PRR14L: variants seen among roughly 807,000 people sequenced by gnomAD.
The protein encoded by PRR14L is proline rich 14 like.
A neutral mutation model predicts 155.0 loss-of-function variants in PRR14L; 80 were observed. That is an observed-to-expected ratio of 0.52 (90% CI 0.43 to 0.62). The LOEUF is 0.62. Among genes scored for constraint, PRR14L ranks in the 20% least tolerant of loss-of-function variants. PRR14L has a pLI of 0.00. For missense variants in PRR14L, 2,469 were observed against 2,548.0 expected (o/e 0.97, Z 0.67); for synonymous variants, 883 against 916.0 (o/e 0.96, Z 0.65).
At chr22:31,730,158 C>A (rs1234516966) in intron 2 of PRR14L, among the ~76,000 whole-genome samples, 1 of 146,236 alleles carries the variant, frequency 6.8e-6, no homozygotes, top group Non-Finnish European at 1.5e-5. Flanking sequence ...AAAAAAAAAT[C>A]GCCGGGCGCT....
In PRR14L at chr22:31,713,487, T is replaced by A; in HGVS notation, c.4352A>T (p.Lys1451Met). The A allele has an allele frequency of 6.4e-7, 1 of 1,552,104 alleles. No homozygotes were observed. Among genetic ancestry groups the A allele is most frequent in the South Asian group, 1.2e-5 (1 of 84,062 alleles). The part of the protein sequence containing the change: ...STMINEITLA[K>M]LAKDSIVAQT... Reference sequence around the variant, plus strand: ...TGCCACAATGCTGTCCTTGGCCAGCTTTGCTAGGGTGATTTCATTGATCAT... The same window carrying A: ...TGCCACAATGCTGTCCTTGGCCAGCATTGCTAGGGTGATTTCATTGATCAT... The change falls in exon 4 of 9, where the codon AAG (lysine) becomes ATG (methionine). Residue 1451 changes from lysine to methionine, a missense_variant. Lys to Met is a moderately conservative substitution (Grantham distance 95, BLOSUM62 -1). Coordinates refer to ENST00000327423, the MANE Select transcript of PRR14L (RefSeq NM_173566.3).
intron 2 of PRR14L, among the ~76,000 whole-genome samples, chr22:31,729,202 T>C (rs1425166767): frequency 6.6e-6 from 1 of 152,128 alleles, no homozygotes; most frequent in Non-Finnish European, 1.5e-5. Context: ...AAATTATTAG[T>C]TGCAAATTTA....
intron 4 of PRR14L, 81 bp from the exon 5 acceptor site, chr22:31,704,807 A>G (rs2074581375): frequency 1.0e-6 from 1 of 977,918 alleles, no homozygotes; most frequent in South Asian, 1.4e-5. Flanking sequence ...TGTGGGTATT[A>G]GCACATGATA....
chr22:31,714,249 G>C lies in PRR14L; in HGVS notation c.3590C>G (p.Thr1197Ser). The change falls in exon 4 of 9, where the codon ACT becomes AGT. Residue 1197 changes from threonine to serine, a missense_variant. Physicochemically the swap from Thr to Ser is moderately conservative, Grantham distance 58. This residue lies in a region of PRR14L where 2,363 missense variants were observed against 2,371.6 expected (regional missense o/e 1.00). Transcript: ENST00000327423. ...GTTTGGTTCTAGTCTTGATCCTTCA[G>C]TCATTTCTTGTGTTTCTCTGAGAGA... Reference protein sequence around the residue: ...GTSLRETQEMTEGSRLEPNSE... With the variant: ...GTSLRETQEMSEGSRLEPNSE... 3 of 1,551,346 alleles carry C rather than the reference G, an allele frequency of 1.9e-6. No individual in the cohort carries two copies. Among genetic ancestry groups the C allele is most frequent in the Non-Finnish European group, 2.6e-6 (3 of 1,146,906 alleles).
chr22:31,691,755 A>C (rs925287291), intron 7 of PRR14L, among the ~76,000 whole-genome samples: 3 of 152,054 alleles, frequency 2.0e-5, no homozygotes, highest in Non-Finnish European at 2.9e-5. Flanking sequence ...TGGATATACC[A>C]TCTTTTCTTT....
At chr22:31,740,332 G>T (rs2074805785) in intron 1 of PRR14L, among the ~76,000 whole-genome samples, 1 of 152,172 alleles carries the variant, frequency 6.6e-6, no homozygotes, top group Admixed American at 6.6e-5. Context: ...TGATTCTCCT[G>T]CCTCTGCCTC....
At chr22:31,749,833 G>A (rs2074862674) in intron 1 of PRR14L, among the ~76,000 whole-genome samples, 160 bp downstream of exon 1, 2 of 152,222 alleles carry the variant, frequency 1.3e-5, no homozygotes, top group South Asian at 4.1e-4. Flanking sequence ...CTCTCCCTGG[G>A]TCGTTCCGCC....
chr22:31,741,125 C>T (rs1285262769), intron 1 of PRR14L, among the ~76,000 whole-genome samples: 2 of 152,036 alleles, frequency 1.3e-5, no homozygotes, highest in East Asian at 1.9e-4. Context: ...TGATGGCGCG[C>T]GCCTGTGGTC....
At position 31,741,591 on chromosome 22, in the gene PRR14L, G is replaced by T. The variant is rs139629912; in HGVS notation, c.-51-2680C>A. Among the ~76,000 whole-genome samples, 8 of 152,354 alleles carry T rather than the reference G, an allele frequency of 5.3e-5. No homozygotes were observed. The East Asian group carries it at 1.5e-3, about 29-fold the overall frequency. ...AAGCTTTCATAAACAGTGCTGTAAG[G>T]CTGGGTGCGGTGGCTCATGCCTATA... On this transcript the variant is annotated intron_variant, in intron 1 of 8. Transcript: ENST00000327423.
chr22:31,738,986 G>A lies in PRR14L; in HGVS notation c.-51-75C>T, dbSNP rs992574186. ...GAAGAAGGCTGCCTCAGTTCAAACC[G>A]GCTACAACGAAGAAAATAAGTTCTA... On this transcript the variant is annotated intron_variant, in intron 1 of 8. Transcript: ENST00000327423. 23 of 623,984 alleles carry A rather than the reference G, an allele frequency of 3.7e-5. No individual in the cohort carries two copies. The East Asian group carries it at 5.0e-4, about 13-fold the overall frequency. 38.7% of individuals were successfully genotyped at this position (623,984 alleles called of 1,614,324 possible). A position where few individuals can be genotyped will look rare whatever the true frequency, so the allele number is the denominator to read the frequency against.
At chr22:31,702,102 T>C (rs751747006) in intron 6 of PRR14L, among the ~76,000 whole-genome samples, 5 of 152,220 alleles carry the variant, frequency 3.3e-5, no homozygotes, top group African/African-American at 9.6e-5. Flanking sequence ...CCCTGGCATA[T>C]TGTAAGATAT....
chr22:31,699,497 G>A (rs879720558), intron 7 of PRR14L, among the ~76,000 whole-genome samples: 2 of 152,180 alleles, frequency 1.3e-5, no homozygotes, highest in Non-Finnish European at 2.9e-5. Flanking sequence ...TGGAGCATTT[G>A]GGATTTTCAG....
intron 2 of PRR14L, among the ~76,000 whole-genome samples, chr22:31,727,591 C>G (rs529109410): frequency 1.2e-4 from 19 of 152,230 alleles, no homozygotes; most frequent in African/African-American, 4.1e-4. Context: ...TTATTGACTT[C>G]TCTTAAAAGG....
chr22:31,715,703 T>C lies in PRR14L; in HGVS notation c.2136A>G (p.Lys712=). The stretch of plus-strand genomic sequence containing the variant: ...TACCTGGTGGAGAGATGTCTTTTAT[T>C]TTTGTCTGAATGGGAATGGTTTGTA... The part of the protein sequence containing the change: ...ADIQTIPIQT[K]IKDISPPGNQ... The change falls in exon 4 of 9, where the codon AAA becomes AAG. Residue 712 remains lysine (K), a synonymous_variant. Transcript: ENST00000327423. The C allele has an allele frequency of 2.8e-5, 43 of 1,552,288 alleles. No individual in the cohort carries two copies. Among genetic ancestry groups the C allele is most frequent in the Non-Finnish European group, 3.7e-5 (43 of 1,147,104 alleles).
At chr22:31,738,150 T>C (rs1316387462) in intron 2 of PRR14L, among the ~76,000 whole-genome samples, 1 of 152,184 alleles carries the variant, frequency 6.6e-6, no homozygotes, top group Non-Finnish European at 1.5e-5. Flanking sequence ...GACTCAACAT[T>C]TCATATACAG....
intron 1 of PRR14L, among the ~76,000 whole-genome samples, chr22:31,742,044 G>C (rs1359956538): frequency 6.6e-6 from 1 of 152,144 alleles, no homozygotes; most frequent in African/African-American, 2.4e-5. Context: ...GTTGCTATTT[G>C]ATGCCAAAAA....
At chr22:31,721,081 T>C (rs1256971651) in intron 3 of PRR14L, among the ~76,000 whole-genome samples, 2 of 152,198 alleles carry the variant, frequency 1.3e-5, no homozygotes, top group Admixed American at 1.3e-4. Context: ...CAGAAAATTA[T>C]GTTGAAAGAG....
intron 4 of PRR14L, among the ~76,000 whole-genome samples, chr22:31,711,292 G>A (rs930838699): frequency 6.6e-6 from 1 of 151,952 alleles, no homozygotes; most frequent in Non-Finnish European, 1.5e-5. Flanking sequence ...GGCCAACATG[G>A]TGAAACCGTC....
At position 31,682,093 on chromosome 22, in the gene PRR14L, G is replaced by C. The variant is rs1360707302; in HGVS notation, c.*3434C>G. 1 of 152,242 alleles carries C rather than the reference G, an allele frequency of 6.6e-6. No individual in the cohort carries two copies. Among genetic ancestry groups the C allele is most frequent in the South Asian group, 2.1e-4 (1 of 4,838 alleles). 9.4% of individuals were successfully genotyped at this position (152,242 alleles called of 1,614,324 possible). A position where few individuals can be genotyped will look rare whatever the true frequency, so the allele number is the denominator to read the frequency against. On this transcript the variant is annotated 3_prime_UTR_variant, in exon 9 of 9. Transcript: ENST00000327423. ...GATTATGAGACGGAATTCCAGCCTG[G>C]AGACGGAGCGACGGCCGTGCATTCA...
Sources: gnomAD v4.1 joint callset for allele counts (sites outside exome capture counted in the v4.1 genomes callset) on GRCh38, gnomAD v4.1.1 for gene constraint, gnomAD v4.1.1 regional missense constraint, MANE v1.5 for transcripts, NCBI Gene and HGNC (gene_info 2026-07-23, HGNC 2026-07-21) for gene names.